Variants in ITPKB observed in about 807,000 individuals in gnomAD.
ITPKB encodes inositol-trisphosphate 3-kinase B.
Under a neutral mutation model 69.4 loss-of-function variants are expected in ITPKB, and 13 were observed. The ratio of observed to expected loss-of-function variants is 0.19; its 90% CI spans 0.12 to 0.30. The LOEUF (loss-of-function observed/expected upper bound fraction) is 0.30. Ranked by LOEUF, ITPKB falls within the 10% of genes least tolerant of loss-of-function variation. The pLI is 1.00. For missense variants in ITPKB, 1,240 were observed against 1,250.5 expected, an observed-to-expected ratio of 0.99 and a Z score of 0.13; for synonymous variants, 584 against 513.7, an observed-to-expected ratio of 1.14 and a Z score of -1.85.
At chr1:226,711,034 G>A (rs1656935732) in intron 2 of ITPKB, among the ~76,000 whole-genome samples, 1 of 152,208 alleles carries the variant, frequency 6.6e-6, no homozygotes, top group Admixed American at 6.5e-5. Flanking sequence ...CATTCATGAA[G>A]CTGGCCCCAC....
intron 2 of ITPKB, among the ~76,000 whole-genome samples, chr1:226,726,713 G>A (rs1473876977): frequency 1.3e-5 from 2 of 151,798 alleles, no homozygotes; most frequent in East Asian, 1.9e-4. Flanking sequence ...AAGAAAAAGC[G>A]TTCAGCGGCC....
intron 2 of ITPKB, among the ~76,000 whole-genome samples, chr1:226,656,157 G>A (rs1260750580): frequency 6.6e-6 from 1 of 152,156 alleles, no homozygotes; most frequent in African/African-American, 2.4e-5. Context: ...CCCCTCCTGG[G>A]TGCTTCCAAA....
At position 226,633,850 on chromosome 1, in the gene ITPKB, C is replaced by A. The variant is rs2102734739; in HGVS notation, c.*821G>T. 1 of 152,370 alleles carries A rather than the reference C, an allele frequency of 6.6e-6. No homozygotes were observed. The highest frequency in any genetic ancestry group is 2.1e-4 in the South Asian group (1 of 4,830). 9.4% of individuals were successfully genotyped at this position (152,370 alleles called of 1,614,324 possible). A position where few individuals can be genotyped will look rare whatever the true frequency, so the allele number is the denominator to read the frequency against. ...TCCCTGGGGCCAGGGCCCAGAGACTCTATAGATCCCATCTTCCCCTGGTAG... is the reference window on the plus strand; with the variant it reads ...TCCCTGGGGCCAGGGCCCAGAGACTATATAGATCCCATCTTCCCCTGGTAG... On this transcript the variant is annotated 3_prime_UTR_variant, in exon 8 of 8. Transcript: ENST00000429204.
intron 2 of ITPKB, among the ~76,000 whole-genome samples, chr1:226,673,741 G>A (rs142141044): frequency 5.2e-4 from 79 of 152,254 alleles, no homozygotes; most frequent in African/African-American, 1.9e-3. Context: ...TACACTTCTT[G>A]GCCTTTCGGC....
chr1:226,689,569 T>TTGTGTGTGTGTGTG (rs10589027), intron 2 of ITPKB, among the ~76,000 whole-genome samples: 1 of 138,474 alleles, frequency 7.2e-6, no homozygotes, highest in African/African-American at 2.7e-5. Context: ...AAGGTTTTAT[T>TTGTGTGTGTGTGTG]TGTGTGTGTG....
chr1:226,737,380 C>T lies in ITPKB; in HGVS notation c.79G>A (p.Gly27Arg). 2 of 1,609,372 alleles carry T rather than the reference C, an allele frequency of 1.2e-6. No homozygotes were observed. Among genetic ancestry groups the T allele is most frequent in the Non-Finnish European group, 1.7e-6 (2 of 1,179,250 alleles). ...ANEMKSGGGP[G>R]PSGSETPPPP... ...GGGGGCGTCTCGCTGCCACTGGGCC[C>T]CGGGCCGCCGCCGCTCTTCATCTCG... The change falls in exon 2 of 8, where the codon GGG becomes AGG. Residue 27 changes from glycine (G) to arginine (R), a missense_variant. Transcript: ENST00000429204.
Position 226,688,663 on chromosome 1 carries a change from G to A in ITPKB, c.1933-39892C>T, listed in dbSNP as rs142367896. ...GTCAGCTGTGCCAGAGCAGCCTGCC[G>A]GGTCCCAGGCAGAGCTTTTATGCTA... On this transcript the variant is annotated intron_variant, in intron 2 of 7. Coordinates refer to ENST00000429204, the MANE Select transcript of ITPKB (RefSeq NM_002221.4). Among the ~76,000 whole-genome samples, 70 of 152,272 alleles carry A rather than the reference G, an allele frequency of 4.6e-4. 1 individual carries two copies. In the East Asian group the frequency reaches 0.011, roughly 24 times the overall value.
intron 2 of ITPKB, among the ~76,000 whole-genome samples, chr1:226,721,684 G>A (rs1431421106): frequency 2.0e-5 from 3 of 151,660 alleles, no homozygotes; most frequent in African/African-American, 7.3e-5. Context: ...TAGTAGAGAC[G>A]GGGTTTCACC....
chr1:226,712,514 T>C (rs890314068), intron 2 of ITPKB, among the ~76,000 whole-genome samples: 3 of 152,170 alleles, frequency 2.0e-5, no homozygotes, highest in African/African-American at 7.2e-5. Context: ...ACTTCCTACA[T>C]AGCTGTATGC....
chr1:226,728,406 C>T (rs899206224), intron 2 of ITPKB, among the ~76,000 whole-genome samples: 5 of 152,160 alleles, frequency 3.3e-5, no homozygotes, highest in African/African-American at 1.2e-4. Flanking sequence ...ACACGCCAGA[C>T]AAGTTAGTCA....
rs148576133 is a variant in ITPKB at position 226,699,429 on chromosome 1, G to C, written c.1932+36098C>G. 4.9e-4 allele frequency among the ~76,000 whole-genome samples: 74 copies of C among 152,362 alleles called. 1 individual carries two copies. In the East Asian group the frequency reaches 0.011, roughly 23 times the overall value. ...CCCAACAGTGCGGCCAGGCAGGTCT[G>C]GGCTCTGAAGAACTGTGTTCACATA... On this transcript the variant is annotated intron_variant, in intron 2 of 7. Transcript: ENST00000429204.
chr1:226,668,357 T>C lies in ITPKB; in HGVS notation c.1933-19586A>G, dbSNP rs929523057. ...ATGTTTCAAGAGCAAGTTCACAGGA[T>C]TCGGTATCAGTGGCACTCACTTTGG... On this transcript the variant is annotated intron_variant, in intron 2 of 7. Coordinates refer to ENST00000429204, the MANE Select transcript of ITPKB (RefSeq NM_002221.4). Among the ~76,000 whole-genome samples the C allele has an allele frequency of 3.3e-5, 5 of 152,208 alleles. No individual in the cohort carries two copies. The East Asian group carries it at 5.8e-4, about 18-fold the overall frequency.
chr1:226,700,726 T>C (rs1656617245), intron 2 of ITPKB, among the ~76,000 whole-genome samples: 1 of 152,134 alleles, frequency 6.6e-6, no homozygotes, highest in African/African-American at 2.4e-5. Context: ...GCCTGCTTCT[T>C]CTTCCCAAAG....
At chr1:226,676,695 G>C (rs1266460479) in intron 2 of ITPKB, among the ~76,000 whole-genome samples, 1 of 152,218 alleles carries the variant, frequency 6.6e-6, no homozygotes, top group African/African-American at 2.4e-5. Flanking sequence ...CAGAAATCTG[G>C]AAGTATTTTA....
At chr1:226,666,152 C>T (rs931118342) in intron 2 of ITPKB, among the ~76,000 whole-genome samples, 5 of 152,224 alleles carry the variant, frequency 3.3e-5, no homozygotes, top group Non-Finnish European at 7.3e-5. Flanking sequence ...AGTCCTATAT[C>T]TGCCCCAAAG....
intron 2 of ITPKB, among the ~76,000 whole-genome samples, chr1:226,709,321 T>C (rs1656884739): frequency 6.6e-6 from 1 of 152,218 alleles, no homozygotes; most frequent in Admixed American, 6.5e-5. Flanking sequence ...GAAACAGAGA[T>C]GGCCTCCCCT....
At chr1:226,688,898 T>G (rs1335999932) in intron 2 of ITPKB, among the ~76,000 whole-genome samples, 2 of 152,092 alleles carry the variant, frequency 1.3e-5, no homozygotes, top group African/African-American at 4.8e-5. Flanking sequence ...TACCAACCAC[T>G]CCATTTTCCC....
intron 2 of ITPKB, among the ~76,000 whole-genome samples, chr1:226,681,495 A>G (rs910718680): frequency 1.3e-5 from 2 of 152,248 alleles, no homozygotes; most frequent in Non-Finnish European, 2.9e-5. Flanking sequence ...AGTGCAGAAA[A>G]TTTGATAAAT....
chr1:226,716,062 C>T (rs563928360), intron 2 of ITPKB, among the ~76,000 whole-genome samples: 3 of 152,222 alleles, frequency 2.0e-5, no homozygotes, highest in South Asian at 2.1e-4. Flanking sequence ...CTGCCCACCT[C>T]GGCCTCCCAA....
Sources: gnomAD v4.1 joint callset for allele counts (sites outside exome capture counted in the v4.1 genomes callset) on GRCh38, gnomAD v4.1.1 for gene constraint, MANE v1.5 for transcripts, NCBI Gene and HGNC (gene_info 2026-07-23, HGNC 2026-07-21) for gene names.